The following CDC42 variants were observed in gnomAD, a reference collection of about 807,000 sequenced individuals.
The protein encoded by CDC42 is cell division cycle 42.
CDC42 carries 1 observed loss-of-function variant against 20.8 expected under a neutral mutation model. The ratio of observed to expected loss-of-function variants is 0.05; its 90% CI spans 0.02 to 0.23. The LOEUF (loss-of-function observed/expected upper bound fraction) is 0.23, where lower values mean the gene tolerates loss of function less well. Ranked by LOEUF, CDC42 falls within the 10% of genes least tolerant of loss-of-function variation. The probability of loss-of-function intolerance (pLI) is 1.00; values close to 1 mark genes in which losing one functional copy is unlikely to be tolerated. For synonymous variants in CDC42, 72 were observed against 84.8 expected (o/e 0.85, Z 0.83); for missense variants, 49 against 227.9 (o/e 0.21, Z 5.05).
intron 5 of CDC42, among the ~76,000 whole-genome samples, chr1:22,087,117 TAAAAC>T (rs1426442531): frequency 5.3e-5 from 8 of 152,100 alleles, no homozygotes; most frequent in Admixed American, 6.5e-5. Flanking sequence ...AGGGTTGTGT[TAAAAC>T]AAAAACCTTA....
rs190425917 is a variant in CDC42 at position 22,058,007 on chromosome 1, C to A, written c.-51+5265C>A. On this transcript the variant is annotated intron_variant, in intron 1 of 5. Transcript: ENST00000656825. ...CTCCCAAAGTGCTGGAATTAACAGG[C>A]GTGAGCCGCTGCATTCCGGCCTCCT... Among the ~76,000 whole-genome samples, 31 of 152,250 alleles carry A rather than the reference C, an allele frequency of 2.0e-4. No individual in the cohort carries two copies. The East Asian group carries it at 4.8e-3, about 24-fold the overall frequency.
intron 1 of CDC42, among the ~76,000 whole-genome samples, chr1:22,075,364 C>G (rs1195254938): frequency 6.6e-6 from 1 of 152,168 alleles, no homozygotes; most frequent in Non-Finnish European, 1.5e-5. Flanking sequence ...TTAGTATAAT[C>G]TTCCCTTGAT....
At chr1:22,076,501 C>G (rs1453423499) in intron 1 of CDC42, among the ~76,000 whole-genome samples, 1 of 152,140 alleles carries the variant, frequency 6.6e-6, no homozygotes, top group Non-Finnish European at 1.5e-5. Context: ...TTACAGTTCT[C>G]CCAGTTACTG....
chr1:22,073,492 T>A (rs1464876764), intron 1 of CDC42, among the ~76,000 whole-genome samples: 1 of 149,382 alleles, frequency 6.7e-6, no homozygotes, highest in Non-Finnish European at 1.5e-5. Flanking sequence ...TGAGCCGAGA[T>A]CACGCCATTG....
At chr1:22,077,288 A>G (rs1450888693) in intron 1 of CDC42, among the ~76,000 whole-genome samples, 2 of 152,212 alleles carry the variant, frequency 1.3e-5, no homozygotes, top group African/African-American at 4.8e-5. Flanking sequence ...AACAACTCAC[A>G]GTGTGTCAGT....
At chr1:22,068,764 T>G (rs1306178792) in intron 1 of CDC42, 2 of 152,320 alleles carry the variant, frequency 1.3e-5, no homozygotes, top group East Asian at 1.9e-4. Context: ...GAGTCCAGTC[T>G]TCTTTGCATG....
chr1:22,082,777 A>G (rs540108456), intron 3 of CDC42, among the ~76,000 whole-genome samples: 1 of 152,278 alleles, frequency 6.6e-6, no homozygotes, highest in East Asian at 1.9e-4. Context: ...AAGTAATGGT[A>G]TATTAAATTT....
intron 1 of CDC42, among the ~76,000 whole-genome samples, chr1:22,075,022 A>G (rs1645533449): frequency 6.6e-6 from 1 of 152,184 alleles, no homozygotes; most frequent in Non-Finnish European, 1.5e-5. Flanking sequence ...GAACTTCATT[A>G]TCATTCCAAT....
intron 3 of CDC42, among the ~76,000 whole-genome samples, chr1:22,084,798 A>G (rs111242987): frequency 2.6e-5 from 4 of 152,168 alleles, no homozygotes; most frequent in African/African-American, 9.6e-5. Context: ...TAGACCTTTT[A>G]TCCATTTTGA....
At chr1:22,063,542 A>G (rs1370814334) in intron 1 of CDC42, among the ~76,000 whole-genome samples, 2 of 152,140 alleles carry the variant, frequency 1.3e-5, no homozygotes, top group Non-Finnish European at 2.9e-5. Flanking sequence ...TTAGGTCCTA[A>G]CTTGTGTCCT....
chr1:22,070,495 G>A (rs1286710274), intron 1 of CDC42, among the ~76,000 whole-genome samples: 6 of 105,296 alleles, frequency 5.7e-5, no homozygotes, highest in African/African-American at 1.5e-4. Context: ...ACAGAGTCTC[G>A]CTCTGTTGCT....
intron 5 of CDC42, among the ~76,000 whole-genome samples, chr1:22,089,053 C>T (rs560817342): frequency 1.3e-5 from 2 of 152,066 alleles, no homozygotes; most frequent in Non-Finnish European, 2.9e-5. Context: ...GAGCTGTGTT[C>T]TGGGACTTTT....
chr1:22,081,217 T>C (rs1183287289), intron 2 of CDC42, among the ~76,000 whole-genome samples: 1 of 152,192 alleles, frequency 6.6e-6, no homozygotes, highest in Non-Finnish European at 1.5e-5. Context: ...CTTGGACACT[T>C]TGAGTACTTT....
chr1:22,086,635 T>G (rs1342006793), intron 4 of CDC42, 34 bp from the exon 5 acceptor site: 2 of 1,605,150 alleles, frequency 1.2e-6, no homozygotes, highest in Non-Finnish European at 1.7e-6. Flanking sequence ...GCTTGTTGAT[T>G]AACAAAGGTG....
rs1192432607 is a variant in CDC42, at chr1:22,061,528, CTTTCTTTTTTTTTTTTT to C, written c.-51+8790_-51+8806del. 1.3e-4 allele frequency among the ~76,000 whole-genome samples: 11 copies of C among 86,298 alleles called. 1 individual carries two copies. The highest frequency in any genetic ancestry group is 4.2e-4 in the Admixed American group (3 of 7,088). 56.6% of individuals were successfully genotyped at this position (86,298 alleles called of 152,430 possible). On this transcript the variant is annotated intron_variant, in intron 1 of 5. Transcript: ENST00000656825. ...GGTCAATCAGTTTAACTTCATGTTT[CTTTCTTTTTTTTTTTTT>C]TTTTTTTTTTTTTTTTGAGATGGAG...
At chr1:22,062,727 A>AT (rs1189319788) in intron 1 of CDC42, among the ~76,000 whole-genome samples, 3 of 42,704 alleles carry the variant, frequency 7.0e-5, no homozygotes, top group Non-Finnish European at 1.2e-4. Flanking sequence ...CCGTGGCTCT[A>AT]TTTAAAAAAA....
intron 1 of CDC42, among the ~76,000 whole-genome samples, chr1:22,061,791 C>G (rs1045948242): frequency 1.3e-5 from 2 of 151,772 alleles, no homozygotes; most frequent in African/African-American, 4.8e-5. Flanking sequence ...GAACTCCTGA[C>G]CTCAAGTGAT....
At chr1:22,078,998 T>A in intron 2 of CDC42, 1 of 451,930 alleles carries the variant, frequency 2.2e-6, no homozygotes, top group Non-Finnish European at 3.5e-6. Context: ...GTGTCTCCAC[T>A]TTTCTTGTGG....
At chr1:22,078,174 C>T (rs1645571629) in intron 1 of CDC42, among the ~76,000 whole-genome samples, 1 of 152,172 alleles carries the variant, frequency 6.6e-6, no homozygotes, top group Non-Finnish European at 1.5e-5. Flanking sequence ...AATAAATTCG[C>T]TGATTATCAC....
Sources: allele counts gnomAD v4.1 joint callset (sites outside exome capture counted in the v4.1 genomes callset), GRCh38; gene constraint gnomAD v4.1.1; transcripts MANE v1.5; gene names NCBI Gene and HGNC (gene_info 2026-07-23, HGNC 2026-07-21).